Variants in GRAMD2B observed in about 807,000 individuals in gnomAD.
The protein encoded by GRAMD2B is GRAM domain containing 2B, also known as GRAM domain-containing protein 2B.
Under a neutral mutation model 59.2 loss-of-function variants are expected in GRAMD2B, and 41 were observed. The observed-to-expected ratio is 0.69, with a 90% CI of 0.54 to 0.90. GRAMD2B has a LOEUF of 0.90. Ranked by LOEUF, GRAMD2B falls within the 40% of genes least tolerant of loss-of-function variation. The pLI is 0.00. For missense variants in GRAMD2B, 424 were observed against 500.5 expected (o/e 0.85, Z 1.46); for synonymous variants, 161 against 182.7 (o/e 0.88, Z 0.96).
rs374894073 is a variant in GRAMD2B, at chr5:126,484,365, G to A, written c.848-37G>A. 5 of 1,601,130 alleles carry A rather than the reference G, an allele frequency of 3.1e-6. No individual in the cohort carries two copies. The African/African-American group carries it at 6.7e-5, about 22-fold the overall frequency. ...ATTAATCCTGTTTTTAAATACATTG[G>A]AGAGAACACTTACCCAGCTCTGTTT... On this transcript the variant is annotated intron_variant, in intron 9 of 13. Transcript: ENST00000285689.
At chr5:126,438,086 A>C (rs1475528867) in intron 1 of GRAMD2B, among the ~76,000 whole-genome samples, 1 of 152,136 alleles carries the variant, frequency 6.6e-6, no homozygotes, top group Non-Finnish European at 1.5e-5. Context: ...TCAGCCTCAG[A>C]GGGAAGCATA....
At chr5:126,457,123 T>C (rs1225957971) in intron 1 of GRAMD2B, among the ~76,000 whole-genome samples, 1 of 133,544 alleles carries the variant, frequency 7.5e-6, no homozygotes, top group Non-Finnish European at 1.5e-5. Flanking sequence ...ATGTGGGAGG[T>C]GGAGCTTGCA....
chr5:126,462,155 A>C (rs1767493432), intron 1 of GRAMD2B, among the ~76,000 whole-genome samples: 1 of 151,980 alleles, frequency 6.6e-6, no homozygotes, highest in South Asian at 2.1e-4. Flanking sequence ...TTTTCAGTTG[A>C]CTCTTTTAGT....
intron 1 of GRAMD2B, among the ~76,000 whole-genome samples, chr5:126,462,717 C>G (rs539925123): frequency 6.6e-6 from 1 of 151,966 alleles, no homozygotes; most frequent in Non-Finnish European, 1.5e-5. Flanking sequence ...AGAAAAGGTA[C>G]CAGTACAAGG....
At chr5:126,418,904 G>C (rs902107001), upstream of GRAMD2B, among the ~76,000 whole-genome samples, 3 of 152,082 alleles carry the variant, frequency 2.0e-5, no homozygotes, top group Non-Finnish European at 4.4e-5. Flanking sequence ...AAGTGTTCCT[G>C]GAATTCTTTT....
rs1046804412 is a variant in GRAMD2B at position 126,423,600 on chromosome 5, G to A, written c.-7G>A. 6.2e-7 allele frequency: 1 copy of A among 1,610,846 alleles called. No homozygotes were observed. Among genetic ancestry groups the A allele is most frequent in the Admixed American group, 1.7e-5 (1 of 59,626 alleles). Reference sequence around the variant, plus strand: ...AAGTCTGAAGGTGCCCTCCAGACACGGCCCCGATGACTGAACTACAGCAAG... The same window carrying A: ...AAGTCTGAAGGTGCCCTCCAGACACAGCCCCGATGACTGAACTACAGCAAG... On this transcript the variant is annotated 5_prime_UTR_variant, in exon 1 of 14. Coordinates refer to ENST00000285689, the MANE Select transcript of GRAMD2B (RefSeq NM_023927.4).
chr5:126,483,650 A>G, intron 9 of GRAMD2B, 76 bp downstream of exon 9: 1 of 719,212 alleles, frequency 1.4e-6, no homozygotes, highest in Non-Finnish European at 2.2e-6. Context: ...TTAAAAAAAA[A>G]AAGAAAAGAA....
intron 1 of GRAMD2B, among the ~76,000 whole-genome samples, chr5:126,429,351 CAG>C (rs1761175196): frequency 6.6e-6 from 1 of 152,012 alleles, no homozygotes; most frequent in Non-Finnish European, 1.5e-5. Context: ...CATGGACACA[CAG>C]AGGGGAACAA....
chr5:126,375,301 T>C (rs1201118676), intron 1 of GRAMD2B, among the ~76,000 whole-genome samples: 1 of 152,160 alleles, frequency 6.6e-6, no homozygotes, highest in Non-Finnish European at 1.5e-5. Context: ...GAGATTTTCT[T>C]TGTAGACAAT....
At chr5:126,483,406 G>T in intron 8 of GRAMD2B, 57 bp from the exon 9 acceptor site, 10 of 1,048,214 alleles carry the variant, frequency 9.5e-6, no homozygotes, top group Admixed American at 5.2e-5. Flanking sequence ...AGTTACAAAG[G>T]CCTGCCTGTT....
chr5:126,376,129 T>A (rs1351464761), intron 1 of GRAMD2B, among the ~76,000 whole-genome samples: 2 of 152,202 alleles, frequency 1.3e-5, no homozygotes, highest in African/African-American at 4.8e-5. Flanking sequence ...ATCAAGAAGC[T>A]TTTGGAGATT....
intron 1 of GRAMD2B, among the ~76,000 whole-genome samples, chr5:126,391,539 C>G (rs1482473993): frequency 1.3e-5 from 2 of 151,926 alleles, no homozygotes; most frequent in African/African-American, 4.8e-5. Flanking sequence ...GGAGACAACT[C>G]AAATGTCATC....
At chr5:126,422,093 G>A (rs1759785107), upstream of GRAMD2B, among the ~76,000 whole-genome samples, 1 of 152,036 alleles carries the variant, frequency 6.6e-6, no homozygotes, top group African/African-American at 2.4e-5. Flanking sequence ...GCTATAACAA[G>A]TCAATGTTTA....
At chr5:126,488,047 G>A (rs1773272050) in intron 12 of GRAMD2B, among the ~76,000 whole-genome samples, 1 of 152,164 alleles carries the variant, frequency 6.6e-6, no homozygotes, top group Non-Finnish European at 1.5e-5. Flanking sequence ...GAAATACTGT[G>A]TTATACCATT....
intron 1 of GRAMD2B, among the ~76,000 whole-genome samples, chr5:126,454,971 C>G (rs368035978): frequency 6.6e-6 from 1 of 152,142 alleles, no homozygotes; most frequent in Admixed American, 6.5e-5. Context: ...AAATCCTTCC[C>G]ACCAAACTAC....
chr5:126,409,620 T>C (rs1363729452), intron 1 of GRAMD2B, among the ~76,000 whole-genome samples: 1 of 152,210 alleles, frequency 6.6e-6, no homozygotes, highest in African/African-American at 2.4e-5. Flanking sequence ...TGCGAAAATT[T>C]TCTCCCATTT....
intron 1 of GRAMD2B, among the ~76,000 whole-genome samples, chr5:126,437,365 G>T (rs1046492244): frequency 2.0e-5 from 3 of 152,182 alleles, no homozygotes; most frequent in African/African-American, 7.2e-5. Context: ...CTTCAGAAAG[G>T]CTGCGTGGAT....
rs762725830 is a variant in GRAMD2B, at chr5:126,486,885, A to G, written c.1071A>G (p.Leu357=). Residue 357 remains leucine, a synonymous_variant, in exon 12 of 14, where the codon CTA becomes CTG. Transcript: ENST00000285689. ...CATCCGTTTCCAGTGTCTGTGCACT[A>G]ATCATCTCGACCTTCTACATGAGAT... The part of the protein sequence containing the change: ...LIFYAIVVCA[L]IISTFYMRYR... The G allele has an allele frequency of 4.4e-6, 7 of 1,607,760 alleles. No individual in the cohort carries two copies. Among genetic ancestry groups the G allele is most frequent in the Non-Finnish European group, 5.1e-6 (6 of 1,174,610 alleles).
chr5:126,449,117 G>A (rs996138635), intron 1 of GRAMD2B, among the ~76,000 whole-genome samples: 4 of 152,218 alleles, frequency 2.6e-5, no homozygotes, highest in Non-Finnish European at 5.9e-5. Context: ...TGTGGTGGGA[G>A]AAATTAAGGA....
Sources: gnomAD v4.1 joint callset for allele counts (sites outside exome capture counted in the v4.1 genomes callset) on GRCh38, gnomAD v4.1.1 for gene constraint, MANE v1.5 for transcripts, NCBI Gene and HGNC (gene_info 2026-07-23, HGNC 2026-07-21) for gene names.